RYR1: variants seen among roughly 807,000 people sequenced by gnomAD.
RYR1 encodes central core disease of muscle.
RYR1 carries 342 observed loss-of-function variants against 583.5 expected under a neutral mutation model. The observed-to-expected ratio is 0.59, with a 90% CI of 0.54 to 0.64. RYR1 has a LOEUF of 0.64. Among genes scored for constraint, RYR1 ranks in the 30% least tolerant of loss-of-function variants. The pLI, the probability that RYR1 is intolerant of heterozygous loss-of-function variation, is 0.00. For missense variants in RYR1, 6,032 were observed against 6,917.2 expected, an observed-to-expected ratio of 0.87 and a Z score of 4.54; for synonymous variants, 2,791 against 2,822.5, an observed-to-expected ratio of 0.99 and a Z score of 0.35.
At chr19:38,570,544 A>T (rs756644533) in intron 93 of RYR1, 63 bp from the exon 94 acceptor site, 7 of 1,250,942 alleles carry the variant, frequency 5.6e-6, no homozygotes, top group Non-Finnish European at 8.2e-6. Flanking sequence ...AAATGATGGG[A>T]TGAATTCTCC....
chr19:38,573,348 G>C, intron 96 of RYR1, 41 bp downstream of exon 96: 1 of 1,606,344 alleles, frequency 6.2e-7, no homozygotes, highest in Non-Finnish European at 8.5e-7. Context: ...AGCAGGAGGG[G>C]ACCTGGGTTT....
At chr19:38,528,861 G>C in intron 75 of RYR1, 90 bp from the exon 76 acceptor site, 1 of 1,499,112 alleles carries the variant, frequency 6.7e-7, no homozygotes, top group South Asian at 1.2e-5. Context: ...TGGGAAAAGA[G>C]AAAAAAAAAT....
rs763591867 is a variant in RYR1, at chr19:38,442,372, C to T, written c.189C>T (p.Ile63=). 4.3e-6 allele frequency: 7 copies of T among 1,613,104 alleles called. No individual in the cohort carries two copies. The South Asian group carries it at 7.7e-5, about 18-fold the overall frequency. ...NAQNVPPDLA[I]CCFVLEQSLS... ...AGAATGTGCCCCCCGATCTGGCCATCTGTTGCTTCGTCCTGGAGCAGTCCC... is the reference window on the plus strand; with the variant it reads ...AGAATGTGCCCCCCGATCTGGCCATTTGTTGCTTCGTCCTGGAGCAGTCCC... Residue 63 remains isoleucine (I), a synonymous_variant, in exon 3 of 106, where the codon ATC becomes ATT. Transcript: ENST00000359596.
intron 89 of RYR1, among the ~76,000 whole-genome samples, chr19:38,551,275 G>A (rs887868882): frequency 6.6e-6 from 1 of 151,444 alleles, no homozygotes; most frequent in Non-Finnish European, 1.5e-5. Flanking sequence ...TCGAACTCCC[G>A]ACCTCAAGTG....
At chr19:38,478,362 C>T (rs1267136735) in intron 30 of RYR1, 73 bp from the exon 31 acceptor site, 1 of 1,553,598 alleles carries the variant, frequency 6.4e-7, no homozygotes, top group East Asian at 2.2e-5. Context: ...TTTCCGGGAG[C>T]TTGGGGAAGG....
Position 38,469,561 on chromosome 19 carries a change from T to G in RYR1, c.3765+48T>G, listed in dbSNP as rs143914691. 159 of 1,548,664 alleles carry G rather than the reference T, an allele frequency of 1.0e-4. 1 individual carries two copies. Among genetic ancestry groups the G allele is most frequent in the Middle Eastern group, 1.0e-3 (6 of 5,956 alleles). On this transcript the variant is annotated intron_variant, in intron 27 of 105. Transcript: ENST00000359596. ...CCTTCTCATCTGCCTCCAAAGCTCC[T>G]TCCTTCCACAGTGCTCTTCTTTGAG...
At chr19:38,560,742 A>AG (rs1568574882) in intron 89 of RYR1, among the ~76,000 whole-genome samples, 1 of 150,630 alleles carries the variant, frequency 6.6e-6, no homozygotes, top group East Asian at 1.9e-4. Context: ...AAAAAAAAAA[A>AG]AAAAAAAAGA....
chr19:38,474,250 G>A (rs1333458160), intron 28 of RYR1, among the ~76,000 whole-genome samples: 2 of 151,980 alleles, frequency 1.3e-5, no homozygotes, highest in African/African-American at 4.8e-5. Context: ...TACAATGGCA[G>A]TGGTTTCCTT....
intron 11 of RYR1, among the ~76,000 whole-genome samples, chr19:38,449,015 G>A (rs542059795): frequency 5.3e-5 from 8 of 151,982 alleles, no homozygotes; most frequent in African/African-American, 1.9e-4. Context: ...ATAGAGACTG[G>A]GAGAGAAACT....
chr19:38,580,302 C>A, intron 100 of RYR1, 68 bp from the exon 101 acceptor site: 1 of 1,604,836 alleles, frequency 6.2e-7, no homozygotes, highest in South Asian at 1.1e-5. Context: ...GGGCCAGGAC[C>A]CAGCATGGGC....
At position 38,467,679 on chromosome 19, in the gene RYR1, A is replaced by C; in HGVS notation, c.3248A>C (p.Gln1083Pro). Residue 1083 changes from glutamine to proline, a missense_variant, in exon 25 of 106, where the codon CAG becomes CCG. Transcript: ENST00000359596. Reference protein sequence around the residue: ...IFRAEKSYTVQSGRWYFEFEA... With the variant: ...IFRAEKSYTVPSGRWYFEFEA... Reference sequence around the variant, plus strand: ...CGGGCAGAGAAATCCTATACAGTGCAGAGCGGCCGCTGGTACTTCGAGTTT... The same window carrying C: ...CGGGCAGAGAAATCCTATACAGTGCCGAGCGGCCGCTGGTACTTCGAGTTT... 6.2e-7 allele frequency: 1 copy of C among 1,614,248 alleles called. No homozygotes were observed. Among genetic ancestry groups the C allele is most frequent in the South Asian group, 1.1e-5 (1 of 91,082 alleles).
At chr19:38,541,487 A>T (rs1972187616) in intron 84 of RYR1, among the ~76,000 whole-genome samples, 1 of 152,208 alleles carries the variant, frequency 6.6e-6, no homozygotes, top group South Asian at 2.1e-4. Flanking sequence ...AGGCCGAGGC[A>T]GGTGGATCAC....
intron 82 of RYR1, 145 bp from the exon 83 acceptor site, chr19:38,536,605 T>G (rs1971979887): frequency 2.1e-6 from 2 of 932,660 alleles, no homozygotes; most frequent in Non-Finnish European, 3.4e-6. Flanking sequence ...TCACTCTGCC[T>G]TTCTCTCTGT....
chr19:38,567,733 G>T (rs1599640931), intron 92 of RYR1, 40 bp from the exon 93 acceptor site: 1 of 1,614,146 alleles, frequency 6.2e-7, no homozygotes. Context: ...TGCATTGCCT[G>T]CCCAGGCACC....
At position 38,442,270 on chromosome 19, in the gene RYR1, G is replaced by T. The variant is rs1404172605; in HGVS notation, c.166-79G>T. 4 of 1,000,650 alleles carry T rather than the reference G, an allele frequency of 4.0e-6. No homozygotes were observed. In the African/African-American group the frequency reaches 6.4e-5, roughly 16 times the overall value. The allele number at this position is 1,000,650 out of a possible 1,614,324, so 62.0% of individuals were successfully genotyped here. A position where few individuals can be genotyped will look rare whatever the true frequency, so the allele number is the denominator to read the frequency against. ...CTCAAGAGTGTGGGCATCCAGACTAGGGGAGGGAGTGTGGCAGGGAATGTT... is the reference window on the plus strand; with the variant it reads ...CTCAAGAGTGTGGGCATCCAGACTATGGGAGGGAGTGTGGCAGGGAATGTT... On this transcript the variant is annotated intron_variant, in intron 2 of 105. Coordinates refer to ENST00000359596, the MANE Select transcript of RYR1 (RefSeq NM_000540.3).
At chr19:38,513,815 T>C (rs1166933367) in intron 63 of RYR1, among the ~76,000 whole-genome samples, 1 of 152,192 alleles carries the variant, frequency 6.6e-6, no homozygotes, top group East Asian at 1.9e-4. Context: ...TTTAGTTTTT[T>C]TTGTTGAACT....
At chr19:38,532,764 G>A in intron 78 of RYR1, 28 bp downstream of exon 78, 1 of 1,609,474 alleles carries the variant, frequency 6.2e-7, no homozygotes, top group Non-Finnish European at 8.5e-7. Context: ...GTCCTGGAGG[G>A]AAGGGATGGG....
At chr19:38,575,676 G>T (rs1044561938) in intron 96 of RYR1, among the ~76,000 whole-genome samples, 1 of 152,140 alleles carries the variant, frequency 6.6e-6, no homozygotes. Context: ...GGTGGTGGGC[G>T]CCTGTAATCC....
rs951000164 is a variant in RYR1, at chr19:38,502,496, C to T, written c.7615-11C>T. 1.9e-6 allele frequency: 3 copies of T among 1,603,046 alleles called. No individual in the cohort carries two copies. The highest frequency in any genetic ancestry group is 2.5e-6 in the Non-Finnish European group (3 of 1,177,810). On this transcript the variant is annotated splice_polypyrimidine_tract_variant and intron_variant, in intron 47 of 105. Coordinates refer to ENST00000359596, the MANE Select transcript of RYR1 (RefSeq NM_000540.3). ...GTGCAGCGGGCCTGATGTCCTCACC[C>T]TGCGCCCTAGGCCACTTTCAGCACC...
Sources: gnomAD v4.1 joint callset for allele counts (sites outside exome capture counted in the v4.1 genomes callset) on GRCh38, gnomAD v4.1.1 for gene constraint, MANE v1.5 for transcripts, NCBI Gene and HGNC (gene_info 2026-07-23, HGNC 2026-07-21) for gene names.